The following GRIK4 variants were observed in gnomAD, a reference collection of about 807,000 sequenced individuals.
GRIK4 encodes the protein glutamate ionotropic receptor kainate type subunit 4, also known as glutamate receptor ionotropic, kainate 4.
GRIK4 carries 40 observed loss-of-function variants against 104.9 expected under a neutral mutation model. The observed-to-expected ratio is 0.38, with a 90% CI of 0.30 to 0.50. The LOEUF (loss-of-function observed/expected upper bound fraction) is 0.50, where lower values mean the gene tolerates loss of function less well. GRIK4 is among the 20% of genes least tolerant of loss of function. The probability of loss-of-function intolerance (pLI) is 0.93; values close to 1 mark genes in which losing one functional copy is unlikely to be tolerated. For synonymous variants in GRIK4, 485 were observed against 524.9 expected, an observed-to-expected ratio of 0.92 and a Z score of 1.04; for missense variants, 1,047 against 1,308.1, an observed-to-expected ratio of 0.80 and a Z score of 3.08.
At chr11:120,624,913 C>T (rs1327193443) in intron 1 of GRIK4, among the ~76,000 whole-genome samples, 1 of 152,072 alleles carries the variant, frequency 6.6e-6, no homozygotes, top group Non-Finnish European at 1.5e-5. Context: ...TAAGAGAGAC[C>T]TAGAGAAGAT....
At chr11:120,559,300 G>T (rs1391504664) in intron 1 of GRIK4, among the ~76,000 whole-genome samples, 1 of 152,186 alleles carries the variant, frequency 6.6e-6, no homozygotes, top group Non-Finnish European at 1.5e-5. Context: ...GTGGATAAAT[G>T]AGCTCGTGGG....
chr11:120,843,520 T>C (rs1953773367), intron 8 of GRIK4, among the ~76,000 whole-genome samples: 1 of 152,244 alleles, frequency 6.6e-6, no homozygotes, highest in Non-Finnish European at 1.5e-5. Flanking sequence ...TATGGCAATA[T>C]CAATAGTTGA....
intron 3 of GRIK4, among the ~76,000 whole-genome samples, chr11:120,676,634 C>T (rs994739207): frequency 2.0e-5 from 3 of 152,324 alleles, no homozygotes; most frequent in East Asian, 1.9e-4. Flanking sequence ...ATAGTCCTGT[C>T]GCTTGAGAGC....
chr11:120,924,521 C>T (rs1164660553), intron 13 of GRIK4, among the ~76,000 whole-genome samples: 3 of 152,138 alleles, frequency 2.0e-5, no homozygotes, highest in African/African-American at 7.2e-5. Context: ...TGTGATCAAT[C>T]ACTGTCCGGA....
chr11:120,931,874 C>T (rs1943488373), intron 13 of GRIK4, among the ~76,000 whole-genome samples: 1 of 152,194 alleles, frequency 6.6e-6, no homozygotes, highest in Non-Finnish European at 1.5e-5. Flanking sequence ...TCTCCAGCCT[C>T]ATCTTACAGC....
At chr11:120,744,633 G>C (rs1297472098) in intron 3 of GRIK4, among the ~76,000 whole-genome samples, 1 of 152,116 alleles carries the variant, frequency 6.6e-6, no homozygotes, top group Non-Finnish European at 1.5e-5. Context: ...GAGGAGACAC[G>C]GGTAGGGTAG....
intron 6 of GRIK4, among the ~76,000 whole-genome samples, chr11:120,827,697 G>A (rs933544161): frequency 3.3e-5 from 5 of 152,150 alleles, no homozygotes; most frequent in Admixed American, 6.5e-5. Context: ...CCACTGCCTA[G>A]AATTAAAAAG....
At chr11:120,852,314 G>A (rs1953992627) in intron 8 of GRIK4, among the ~76,000 whole-genome samples, 2 of 152,224 alleles carry the variant, frequency 1.3e-5, no homozygotes, top group South Asian at 4.1e-4. Context: ...CTTTGTAAAG[G>A]CAGTTCTACC....
chr11:120,785,812 A>T (rs1339317311), intron 3 of GRIK4, among the ~76,000 whole-genome samples: 1 of 152,082 alleles, frequency 6.6e-6, no homozygotes, highest in African/African-American at 2.4e-5. Flanking sequence ...CCGCGTCTCC[A>T]TGCGCATCCT....
chr11:120,711,564 C>T (rs1343675902), intron 3 of GRIK4, among the ~76,000 whole-genome samples: 1 of 152,194 alleles, frequency 6.6e-6, no homozygotes, highest in Non-Finnish European at 1.5e-5. Context: ...CTTTCAGAAT[C>T]TAAGAGCAGA....
At chr11:120,527,414 C>T (rs898436396) in intron 1 of GRIK4, among the ~76,000 whole-genome samples, 3 of 152,216 alleles carry the variant, frequency 2.0e-5, no homozygotes, top group Non-Finnish European at 2.9e-5. Flanking sequence ...TAAAACCCCT[C>T]AGGGCAGACC....
chr11:120,794,804 T>C (rs967261186), intron 3 of GRIK4, among the ~76,000 whole-genome samples: 10 of 152,282 alleles, frequency 6.6e-5, no homozygotes, highest in African/African-American at 2.4e-4. Context: ...AGGAGCTGGC[T>C]GAGCAAGCTC....
intron 3 of GRIK4, among the ~76,000 whole-genome samples, chr11:120,701,490 C>T (rs1950550404): frequency 6.6e-6 from 1 of 152,336 alleles, no homozygotes; most frequent in South Asian, 2.1e-4. Context: ...CCATTGTGTA[C>T]ACATACCACA....
At chr11:120,944,628 A>G (rs1943812351) in intron 14 of GRIK4, among the ~76,000 whole-genome samples, 1 of 152,190 alleles carries the variant, frequency 6.6e-6, no homozygotes, top group Admixed American at 6.5e-5. Context: ...GGCTTTCCTA[A>G]TCTCTACTGC....
chr11:120,975,243 G>A (rs1234782004), intron 19 of GRIK4, among the ~76,000 whole-genome samples: 3 of 152,164 alleles, frequency 2.0e-5, no homozygotes, highest in Non-Finnish European at 4.4e-5. Flanking sequence ...AAGAGTGGGG[G>A]TGAGTGATGG....
intron 1 of GRIK4, among the ~76,000 whole-genome samples, chr11:120,587,094 G>A (rs138526523): frequency 6.6e-6 from 1 of 152,258 alleles, no homozygotes; most frequent in Non-Finnish European, 1.5e-5. Flanking sequence ...ATATAGAGGT[G>A]TCTCTTTCTC....
In GRIK4 at chr11:120,769,758, A is replaced by G. The variant is rs112408636; in HGVS notation, c.83-32935A>G. Among the ~76,000 whole-genome samples the G allele has an allele frequency of 1.1e-3, 163 of 152,314 alleles. 2 individuals are homozygous for G. Among genetic ancestry groups the G allele is most frequent in the African/African-American group, 3.8e-3 (157 of 41,568 alleles). On this transcript the variant is annotated intron_variant, in intron 3 of 20. Transcript: ENST00000527524. ...TGAAGGAGACATGGAATGGATAGGA[A>G]GTCAACTTCAGTATGCTCTACTAAC...
intron 14 of GRIK4, among the ~76,000 whole-genome samples, chr11:120,944,037 T>C (rs887033476): frequency 2.6e-5 from 4 of 152,162 alleles, no homozygotes; most frequent in Non-Finnish European, 4.4e-5. Flanking sequence ...AAAATAAGAA[T>C]GTTTTGCTCT....
intron 1 of GRIK4, among the ~76,000 whole-genome samples, chr11:120,589,391 A>G (rs1428432388): frequency 6.6e-6 from 1 of 152,136 alleles, no homozygotes; most frequent in East Asian, 1.9e-4. Flanking sequence ...CACCATCTAA[A>G]TGCCAAGGGC....
Sources: gnomAD v4.1 joint callset for allele counts (sites outside exome capture counted in the v4.1 genomes callset) on GRCh38, gnomAD v4.1.1 for gene constraint, MANE v1.5 for transcripts, NCBI Gene and HGNC (gene_info 2026-07-23, HGNC 2026-07-21) for gene names.